RGPD4: variants seen among roughly 807,000 people sequenced by gnomAD.
RGPD4 encodes ranBP2-like and GRIP domain-containing protein 4.
A neutral mutation model predicts 141.1 loss-of-function variants in RGPD4; 84 were observed. The ratio of observed to expected loss-of-function variants is 0.60; its 90% CI spans 0.50 to 0.71. The LOEUF (loss-of-function observed/expected upper bound fraction) is 0.71, where lower values mean the gene tolerates loss of function less well. Among genes scored for constraint, RGPD4 ranks in the 30% least tolerant of loss-of-function variants. The pLI is 0.00. For synonymous variants in RGPD4, 298 were observed against 566.8 expected (o/e 0.53, Z 6.74); for missense variants, 918 against 1,622.4 (o/e 0.57, Z 7.46).
chr2:107,867,337 G>C (rs1035525398), intron 18 of RGPD4, among the ~76,000 whole-genome samples: 1 of 152,158 alleles, frequency 6.6e-6, no homozygotes, highest in African/African-American at 2.4e-5. Context: ...GAGCACATTT[G>C]TGTGATGGTC....
chr2:107,873,305 G>T (rs2699565), intron 20 of RGPD4, among the ~76,000 whole-genome samples: 46,106 of 99,976 alleles, frequency 0.46, 11,726 homozygotes, highest in African/African-American at 0.59. Flanking sequence ...GGGCACGGTG[G>T]CTCACTCCTA....
intron 22 of RGPD4, among the ~76,000 whole-genome samples, chr2:107,886,723 G>A (rs1355139664): frequency 1.3e-5 from 2 of 151,974 alleles, no homozygotes; most frequent in African/African-American, 2.4e-5. Flanking sequence ...GCATACATGA[G>A]GGATGCTAGA....
At chr2:107,878,186 C>G (rs1325277608) in intron 20 of RGPD4, among the ~76,000 whole-genome samples, 1 of 151,402 alleles carries the variant, frequency 6.6e-6, no homozygotes, top group African/African-American at 2.4e-5. Flanking sequence ...TACTTAATTC[C>G]TCTACTCTTA....
chr2:107,875,858 T>TA (rs1362914291), intron 20 of RGPD4, among the ~76,000 whole-genome samples: 2 of 141,638 alleles, frequency 1.4e-5, no homozygotes, highest in Non-Finnish European at 3.0e-5. Context: ...TGTATACTAA[T>TA]ACTTGCTTAT....
intron 22 of RGPD4, among the ~76,000 whole-genome samples, chr2:107,885,994 A>G (rs547094160): frequency 7.3e-4 from 111 of 151,452 alleles, no homozygotes; most frequent in African/African-American, 2.3e-3. Context: ...CAGAGGTTGC[A>G]GTGAGCCGAG....
intron 20 of RGPD4, among the ~76,000 whole-genome samples, chr2:107,877,571 G>A (rs1359263415): frequency 1.3e-5 from 2 of 151,424 alleles, no homozygotes; most frequent in East Asian, 1.9e-4. Context: ...ATTTCAGCAA[G>A]TGTGTTTCAA....
chr2:107,828,536 G>A (rs1310801453), intron 1 of RGPD4, among the ~76,000 whole-genome samples: 1 of 118,868 alleles, frequency 8.4e-6, no homozygotes. Context: ...TGGCTCAGGC[G>A]TCATGGCTCC....
At chr2:107,890,633 T>A in intron 22 of RGPD4, 88 bp from the exon 23 acceptor site, 1 of 815,528 alleles carries the variant, frequency 1.2e-6, no homozygotes, top group Admixed American at 3.4e-5. Context: ...TATTTGCTTA[T>A]ATTGTAGAGT....
intron 20 of RGPD4, 149 bp from the exon 21 acceptor site, chr2:107,879,819 A>C: frequency 6.0e-6 from 6 of 997,664 alleles, no homozygotes; most frequent in Non-Finnish European, 8.7e-6. Flanking sequence ...TAATCTGTTG[A>C]TTGAGGTATG....
intron 1 of RGPD4, among the ~76,000 whole-genome samples, chr2:107,834,186 G>A (rs1196124144): frequency 6.6e-6 from 1 of 151,220 alleles, no homozygotes; most frequent in Admixed American, 6.6e-5. Context: ...TGTAATTTAA[G>A]CATACAAGTC....
chr2:107,826,908 G>T lies in RGPD4; in HGVS notation c.-106G>T. 6.5e-7 allele frequency: 1 copy of T among 1,544,444 alleles called. No homozygotes were observed. The highest frequency in any genetic ancestry group is 1.2e-5 in the South Asian group (1 of 83,936). ...AAGTTCGTCACAGTGGTCCTCCGCC[G>T]GCTACGCGGAGTCAGTGGCTTTCAG... is the stretch of plus-strand genomic sequence containing the variant. On this transcript the variant is annotated 5_prime_UTR_variant, in exon 1 of 23. Transcript: ENST00000408999.
intron 7 of RGPD4, among the ~76,000 whole-genome samples, chr2:107,853,742 C>CTT (rs534131532): frequency 1.0e-3 from 47 of 46,114 alleles, no homozygotes; most frequent in East Asian, 1.2e-3. Context: ...TCTGTGTATG[C>CTT]TTTTTTTTTT....
chr2:107,831,159 A>C (rs1267476059), intron 1 of RGPD4, among the ~76,000 whole-genome samples: 5 of 108,376 alleles, frequency 4.6e-5, no homozygotes, highest in African/African-American at 1.6e-4. Context: ...CCTGTGTGAC[A>C]GAGCGAGACT....
chr2:107,887,294 T>C (rs1675543037), intron 22 of RGPD4, among the ~76,000 whole-genome samples: 1 of 152,110 alleles, frequency 6.6e-6, no homozygotes, highest in African/African-American at 2.4e-5. Context: ...TGTGAAACAT[T>C]AGAATATGTT....
Position 107,833,928 on chromosome 2 carries a change from A to G in RGPD4, c.73-2674A>G, listed in dbSNP as rs1681581796. On this transcript the variant is annotated intron_variant, in intron 1 of 22. Transcript: ENST00000408999. Reference sequence around the variant, plus strand: ...GCGTGCGCCTGCAGTCCCAGCTTGTACCCGGGACGCAGAGGTTGCAGTGAG... The same window carrying G: ...GCGTGCGCCTGCAGTCCCAGCTTGTGCCCGGGACGCAGAGGTTGCAGTGAG... Among the ~76,000 whole-genome samples the G allele has an allele frequency of 2.0e-5, 3 of 151,688 alleles. No individual in the cohort carries two copies. The South Asian group carries it at 6.3e-4, about 32-fold the overall frequency.
Position 107,859,446 on chromosome 2 carries a change from G to A in RGPD4, c.1526G>A (p.Ser509Asn). 1 of 1,610,894 alleles carries A rather than the reference G, an allele frequency of 6.2e-7. No homozygotes were observed. Among genetic ancestry groups the A allele is most frequent in the East Asian group, 2.2e-5 (1 of 44,864 alleles). Residue 509 changes from serine to asparagine, a missense_variant, in exon 11 of 23, where the codon AGC becomes AAC. Physicochemically the swap from Ser to Asn is conservative, Grantham distance 46. Coordinates refer to ENST00000408999, the MANE Select transcript of RGPD4 (RefSeq NM_182588.3). ...AAGGAGAAATGTAATTCTCACCACA[G>A]CTCCTATCAGCCGTTATGCCTGCCC... ...QLKEKCNSHHSSYQPLCLPLP... is the reference protein window; with the variant it reads ...QLKEKCNSHHNSYQPLCLPLP...
At chr2:107,846,281 A>C (rs1253728962) in intron 6 of RGPD4, among the ~76,000 whole-genome samples, 1 of 150,454 alleles carries the variant, frequency 6.6e-6, no homozygotes, top group African/African-American at 2.5e-5. Flanking sequence ...AAGTACTGGA[A>C]GGTCTCAATC....
rs1349045280 is a variant in RGPD4 at position 107,890,995 on chromosome 2, C to G, written c.*264C>G. Among the ~76,000 whole-genome samples, 3 of 150,430 alleles carry G rather than the reference C, an allele frequency of 2.0e-5. No individual in the cohort carries two copies. In the East Asian group the frequency reaches 5.8e-4, roughly 29 times the overall value. ...GAAGTATTGATACCAGGCCACAGCC[C>G]TCTAACTCATGTGATCTCCCATGCA... is the stretch of plus-strand genomic sequence containing the variant. On this transcript the variant is annotated 3_prime_UTR_variant, in exon 23 of 23. Transcript: ENST00000408999.
chr2:107,859,648 C>T (rs1682468356), intron 11 of RGPD4, 74 bp from the exon 12 acceptor site: 6 of 1,611,114 alleles, frequency 3.7e-6, no homozygotes, highest in Non-Finnish European at 5.1e-6. Context: ...TCATGTGACC[C>T]ATTAACATAT....
Sources: gnomAD v4.1 joint callset for allele counts (sites outside exome capture counted in the v4.1 genomes callset) on GRCh38, gnomAD v4.1.1 for gene constraint, MANE v1.5 for transcripts, NCBI Gene and HGNC (gene_info 2026-07-23, HGNC 2026-07-21) for gene names.